The following ADAMTS2 variants were observed in gnomAD, a reference collection of about 807,000 sequenced individuals.
The protein encoded by ADAMTS2 is A disintegrin and metalloproteinase with thrombospondin motifs 2.
Under a neutral mutation model 123.0 loss-of-function variants are expected in ADAMTS2, and 50 were observed. The observed-to-expected ratio is 0.41, with a 90% CI of 0.32 to 0.51. ADAMTS2 has a LOEUF of 0.51. ADAMTS2 is among the 20% of genes least tolerant of loss of function. The pLI is 0.35. For synonymous variants in ADAMTS2, 678 were observed against 695.4 expected (o/e 0.98, Z 0.39); for missense variants, 1,494 against 1,705.2 (o/e 0.88, Z 2.18).
chr5:179,258,794 G>T (rs1766137025), intron 3 of ADAMTS2, among the ~76,000 whole-genome samples: 1 of 152,126 alleles, frequency 6.6e-6, no homozygotes, highest in African/African-American at 2.4e-5. Context: ...GCCGGGTGGG[G>T]CTGTGATCTG....
chr5:179,148,004 G>A lies in ADAMTS2; in HGVS notation c.1629+4138C>T, dbSNP rs150296899. Among the ~76,000 whole-genome samples, 499 of 152,292 alleles carry A rather than the reference G, an allele frequency of 3.3e-3. 5 individuals carry two copies. Among genetic ancestry groups the A allele is most frequent in the African/African-American group, 0.012 (480 of 41,562 alleles). On this transcript the variant is annotated intron_variant, in intron 10 of 21. Transcript: ENST00000251582. ...TCCTGTGAGCAAGGGACCCCAAAGC[G>A]TAAGCATCATGAGCTTCATGGTAAA...
intron 2 of ADAMTS2, among the ~76,000 whole-genome samples, chr5:179,288,612 C>A (rs929509845): frequency 6.6e-6 from 1 of 152,210 alleles, no homozygotes; most frequent in Non-Finnish European, 1.5e-5. Flanking sequence ...TATTCTAGAG[C>A]CAGGACAGCA....
chr5:179,124,223 C>G (rs1762812067), intron 19 of ADAMTS2, among the ~76,000 whole-genome samples: 1 of 152,128 alleles, frequency 6.6e-6, no homozygotes, highest in African/African-American at 2.4e-5. Context: ...TGGGGAGCCC[C>G]TGACACACGC....
intron 19 of ADAMTS2, chr5:179,122,980 C>T (rs946094835): frequency 4.3e-6 from 3 of 692,022 alleles, no homozygotes; most frequent in Non-Finnish European, 7.4e-6. Flanking sequence ...GACCCACATG[C>T]CTGTCTCTCT....
intron 2 of ADAMTS2, among the ~76,000 whole-genome samples, chr5:179,274,462 G>A (rs1456225038): frequency 2.6e-5 from 4 of 152,252 alleles, no homozygotes; most frequent in African/African-American, 4.8e-5. Context: ...CGCTGGCCGG[G>A]GTCCCCTGTC....
chr5:179,143,901 C>T (rs10036369), intron 10 of ADAMTS2, among the ~76,000 whole-genome samples: 95,450 of 151,954 alleles, frequency 0.63, 30,038 homozygotes, highest in South Asian at 0.65. Flanking sequence ...GTACTTTTTA[C>T]ACATATATTC....
rs1436536845 is a variant in ADAMTS2 at position 179,132,728 on chromosome 5, C to G, written c.2209+49G>C. On this transcript the variant is annotated intron_variant, in intron 14 of 21. Transcript: ENST00000251582. The surrounding 1 kb of genome is among the most constrained non-coding windows in gnomAD (Gnocchi z 6.1). ...AGGCCCTCAGCTGTCCGGGCATGAGCCTGCTGCAGGCATCCAGGCTCCAGG... is the reference window on the plus strand; with the variant it reads ...AGGCCCTCAGCTGTCCGGGCATGAGGCTGCTGCAGGCATCCAGGCTCCAGG... The G allele has an allele frequency of 6.2e-7, 1 of 1,613,496 alleles. No individual in the cohort carries two copies. The highest frequency in any genetic ancestry group is 8.5e-7 in the Non-Finnish European group (1 of 1,179,698).
chr5:179,129,799 TGCCAAAGGCAG>T lies in ADAMTS2; in HGVS notation c.2457+122_2457+132del, dbSNP rs1304580070. 8.9e-6 allele frequency: 11 copies of T among 1,237,424 alleles called. No homozygotes were observed. The Admixed American group carries it at 1.5e-4, about 17-fold the overall frequency. 76.7% of individuals were successfully genotyped at this position (1,237,424 alleles called of 1,614,324 possible). A position where few individuals can be genotyped will look rare whatever the true frequency, so the allele number is the denominator to read the frequency against. On this transcript the variant is annotated intron_variant, in intron 16 of 21. Transcript: ENST00000251582. This position sits in a 1 kb window ranked among gnomAD's most constrained non-coding sequence, Gnocchi z 4.1. ...CTCTGACCAAGTCGGAGCCCCTTGG[TGCCAAAGGCAG>T]GCCAAAGGGGCCACGCAGAGTGTCA...
At chr5:179,135,880 GC>G (rs747872263) in intron 13 of ADAMTS2, 28 bp downstream of exon 13, 253 of 1,612,152 alleles carry the variant, frequency 1.6e-4, no homozygotes, top group Non-Finnish European at 2.0e-4. Context: ...TGACACGGTA[GC>G]CCCCCGTGCC....
At chr5:179,204,867 A>T (rs1183916798) in intron 4 of ADAMTS2, among the ~76,000 whole-genome samples, 2 of 152,068 alleles carry the variant, frequency 1.3e-5, no homozygotes, top group Non-Finnish European at 2.9e-5. Context: ...GGACACCCCC[A>T]CTGTGCCCAT....
chr5:179,147,726 C>CA lies in ADAMTS2; in HGVS notation c.1629+4415dup, dbSNP rs1264300234. Among the ~76,000 whole-genome samples, 17 of 151,872 alleles carry CA rather than the reference C, an allele frequency of 1.1e-4. No individual in the cohort carries two copies. The East Asian group carries it at 2.1e-3, about 19-fold the overall frequency. ...AAGAGACAGAATCATGGCAATAAGC[C>CA]AAAACAAATGCCCTCAATCCATTTT... is the stretch of plus-strand genomic sequence containing the variant. On this transcript the variant is annotated intron_variant, in intron 10 of 21. Transcript: ENST00000251582.
chr5:179,140,539 T>G (rs1014025520), intron 10 of ADAMTS2, among the ~76,000 whole-genome samples: 9 of 152,204 alleles, frequency 5.9e-5, no homozygotes, highest in Non-Finnish European at 1.2e-4. Flanking sequence ...GAAAAATGAT[T>G]CCACATCTTA....
At position 179,205,787 on chromosome 5, in the gene ADAMTS2, T is replaced by TTATTATTATTATTA. The variant is rs758652100; in HGVS notation, c.891+1725_891+1726insTAATAATAATAATA. Among the ~76,000 whole-genome samples, 604 of 96,578 alleles carry TTATTATTATTATTA rather than the reference T, an allele frequency of 6.3e-3. 4 individuals carry two copies. Among genetic ancestry groups the TTATTATTATTATTA allele is most frequent in the East Asian group, 0.022 (101 of 4,696 alleles). 63.4% of individuals were successfully genotyped at this position (96,578 alleles called of 152,430 possible). Reference sequence around the variant, plus strand: ...TATTATTATTATTATTATTATTATTTTTGAGACGGAGTCTCGCTCTGTCAC... The same window carrying TTATTATTATTATTA: ...TATTATTATTATTATTATTATTATTTTATTATTATTATTATTGAGACGGAGTCTCGCTCTGTCAC... On this transcript the variant is annotated intron_variant, in intron 4 of 21. Transcript: ENST00000251582.
chr5:179,127,817 G>C, intron 17 of ADAMTS2, 142 bp downstream of exon 17: 8 of 946,352 alleles, frequency 8.5e-6, no homozygotes, highest in South Asian at 1.8e-5. Flanking sequence ...CTCCATTGCC[G>C]CTAAGCCCTT....
chr5:179,206,945 C>T (rs1479160728), intron 4 of ADAMTS2, among the ~76,000 whole-genome samples: 1 of 152,168 alleles, frequency 6.6e-6, no homozygotes, highest in Non-Finnish European at 1.5e-5. Context: ...AAGGAATTCC[C>T]TCCCCAATTC....
At chr5:179,144,442 C>T (rs1304640112) in intron 10 of ADAMTS2, among the ~76,000 whole-genome samples, 1 of 152,166 alleles carries the variant, frequency 6.6e-6, no homozygotes, top group Non-Finnish European at 1.5e-5. Flanking sequence ...TGGAAAGTCA[C>T]AGGATGTAGA....
intron 5 of ADAMTS2, among the ~76,000 whole-genome samples, chr5:179,174,676 T>C (rs1046612477): frequency 1.3e-5 from 2 of 152,258 alleles, no homozygotes; most frequent in African/African-American, 4.8e-5. Context: ...TCTATGAAAG[T>C]TTATGCACAT....
intron 2 of ADAMTS2, among the ~76,000 whole-genome samples, chr5:179,296,887 G>C (rs537409374): frequency 6.6e-6 from 1 of 152,326 alleles, no homozygotes; most frequent in African/African-American, 2.4e-5. Flanking sequence ...CAACCAGACT[G>C]AGATGGAACA....
intron 2 of ADAMTS2, among the ~76,000 whole-genome samples, chr5:179,333,436 G>A (rs982964617): frequency 2.0e-5 from 3 of 152,142 alleles, no homozygotes; most frequent in Non-Finnish European, 4.4e-5. Context: ...CAGACCCCAG[G>A]GCTCACGCAG....
Sources: gnomAD v4.1 joint callset for allele counts (sites outside exome capture counted in the v4.1 genomes callset) on GRCh38, gnomAD v4.1.1 for gene constraint, Gnocchi (gnomAD v3.1) non-coding constraint, MANE v1.5 for transcripts, NCBI Gene and HGNC (gene_info 2026-07-23, HGNC 2026-07-21) for gene names.